The following SCAPER variants were observed in gnomAD, a reference collection of about 807,000 sequenced individuals.
The protein encoded by SCAPER is S phase cyclin A-associated protein in the endoplasmic reticulum.
A neutral mutation model predicts 182.2 loss-of-function variants in SCAPER; 98 were observed. The ratio of observed to expected loss-of-function variants is 0.54; its 90% CI spans 0.46 to 0.64. The LOEUF (loss-of-function observed/expected upper bound fraction) is 0.64, where lower values mean the gene tolerates loss of function less well. Ranked by LOEUF, SCAPER falls within the 30% of genes least tolerant of loss-of-function variation. SCAPER has a pLI of 0.00. For missense variants in SCAPER, 1,432 were observed against 1,690.0 expected (o/e 0.85, Z 2.68); for synonymous variants, 605 against 564.6 (o/e 1.07, Z -1.01).
At chr15:76,463,604 C>T (rs192842925) in intron 25 of SCAPER, among the ~76,000 whole-genome samples, 451 of 152,210 alleles carry the variant, frequency 3.0e-3, no homozygotes, top group Non-Finnish European at 4.2e-3. Flanking sequence ...TCATAAGGAA[C>T]AGGTCACTAT....
chr15:76,819,081 C>T (rs894394782), intron 5 of SCAPER, among the ~76,000 whole-genome samples: 1 of 152,210 alleles, frequency 6.6e-6, no homozygotes, highest in Non-Finnish European at 1.5e-5. Flanking sequence ...GTAAACAAAG[C>T]GGCCAGGAAG....
At chr15:76,652,273 AATATATATATATATAT>A (rs1172636102) in intron 21 of SCAPER, among the ~76,000 whole-genome samples, 4 of 12,870 alleles carry the variant, frequency 3.1e-4, no homozygotes, top group Non-Finnish European at 1.3e-4. Flanking sequence ...AAAAAAAAAA[AATATATATATATATAT>A]ATATATATAT....
At chr15:76,751,269 A>G (rs1332716293) in intron 15 of SCAPER, among the ~76,000 whole-genome samples, 1 of 151,828 alleles carries the variant, frequency 6.6e-6, no homozygotes, top group East Asian at 1.9e-4. Context: ...ATCATAAACC[A>G]GAACACTTAA....
intron 8 of SCAPER, among the ~76,000 whole-genome samples, chr15:76,785,541 G>C (rs776113433): frequency 1.4e-4 from 22 of 152,266 alleles, no homozygotes; most frequent in Non-Finnish European, 2.9e-4. Context: ...ATACCCAAAG[G>C]ATTAGAAATC....
intron 17 of SCAPER, among the ~76,000 whole-genome samples, chr15:76,715,266 G>T (rs544341582): frequency 1.3e-5 from 2 of 151,396 alleles, no homozygotes; most frequent in African/African-American, 4.9e-5. Context: ...TGCACCCCCA[G>T]CACCACAGCT....
chr15:76,476,122 T>C (rs1256167816), intron 24 of SCAPER, among the ~76,000 whole-genome samples: 1 of 152,242 alleles, frequency 6.6e-6, no homozygotes, highest in African/African-American at 2.4e-5. Flanking sequence ...TAGCAAGGTT[T>C]GGAAACATGA....
chr15:76,581,934 C>A (rs2048302425), intron 22 of SCAPER, among the ~76,000 whole-genome samples: 1 of 152,010 alleles, frequency 6.6e-6, no homozygotes, highest in Admixed American at 6.6e-5. Context: ...TAAAAACCCT[C>A]AAAAAACTGT....
At position 76,707,847 on chromosome 15, in the gene SCAPER, T is replaced by C. The variant is rs1466142818; in HGVS notation, c.2166-1863A>G. ...ACATTCACTAGTAATGTCCACATCA[T>C]AAATTATAGCTCAATAAATGTAAAA... is the stretch of plus-strand genomic sequence containing the variant. On this transcript the variant is annotated intron_variant, in intron 17 of 31. Coordinates refer to ENST00000563290, the MANE Select transcript of SCAPER (RefSeq NM_020843.4). Among the ~76,000 whole-genome samples the C allele has an allele frequency of 4.3e-4, 65 of 152,248 alleles. 1 individual carries two copies. Among genetic ancestry groups the C allele is most frequent in the Admixed American group, 4.2e-3 (64 of 15,288 alleles).
chr15:76,442,491 C>T (rs1467359458), intron 25 of SCAPER, among the ~76,000 whole-genome samples: 1 of 152,212 alleles, frequency 6.6e-6, no homozygotes, highest in Non-Finnish European at 1.5e-5. Context: ...GAGTCTCTCT[C>T]ATTCTATCTC....
chr15:76,389,228 T>C (rs1217610492), intron 27 of SCAPER, among the ~76,000 whole-genome samples: 8 of 151,782 alleles, frequency 5.3e-5, no homozygotes, highest in Non-Finnish European at 8.8e-5. Flanking sequence ...AGGCCAGGCA[T>C]AGTGGCTCAT....
chr15:76,841,678 C>G, intron 5 of SCAPER, 56 bp downstream of exon 5: 1 of 1,559,052 alleles, frequency 6.4e-7, no homozygotes, highest in Non-Finnish European at 8.7e-7. Context: ...TCACATGTAG[C>G]AAAAATTCAA....
intron 8 of SCAPER, among the ~76,000 whole-genome samples, chr15:76,777,726 G>A (rs879296014): frequency 6.6e-6 from 1 of 152,070 alleles, no homozygotes; most frequent in Non-Finnish European, 1.5e-5. Context: ...AATATTCAAA[G>A]AAGGTTTGAA....
chr15:76,640,635 G>GA (rs34416411), intron 21 of SCAPER, among the ~76,000 whole-genome samples: 1 of 152,090 alleles, frequency 6.6e-6, no homozygotes, highest in African/African-American at 2.4e-5. Context: ...TGTAAAATTG[G>GA]AAAAAATATT....
chr15:76,813,329 A>G (rs1159496278), intron 5 of SCAPER, among the ~76,000 whole-genome samples: 2 of 151,658 alleles, frequency 1.3e-5, no homozygotes, highest in African/African-American at 4.9e-5. Flanking sequence ...CGAACAGCTA[A>G]CATCATAATC....
At chr15:76,759,734 G>C (rs1172072563) in intron 14 of SCAPER, among the ~76,000 whole-genome samples, 1 of 151,984 alleles carries the variant, frequency 6.6e-6, no homozygotes, top group Non-Finnish European at 1.5e-5. Flanking sequence ...TGTGTTTTTT[G>C]TCTTTCATTG....
At chr15:76,740,981 G>A (rs2061509295) in intron 15 of SCAPER, among the ~76,000 whole-genome samples, 1 of 151,990 alleles carries the variant, frequency 6.6e-6, no homozygotes, top group Non-Finnish European at 1.5e-5. Context: ...AAATGAAATT[G>A]AATAAATACA....
chr15:76,778,603 C>T (rs775547396), intron 8 of SCAPER, among the ~76,000 whole-genome samples: 17 of 151,558 alleles, frequency 1.1e-4, no homozygotes, highest in Non-Finnish European at 2.2e-4. Flanking sequence ...GCTGGGACTC[C>T]ATAAACTCTT....
chr15:76,722,311 T>C (rs1439150499), intron 17 of SCAPER, among the ~76,000 whole-genome samples: 11 of 152,050 alleles, frequency 7.2e-5, no homozygotes, highest in East Asian at 1.9e-4. Flanking sequence ...TTTCGATGTG[T>C]TGCTGGATTC....
At chr15:76,898,213 C>T (rs895503598) in intron 1 of SCAPER, among the ~76,000 whole-genome samples, 5 of 152,234 alleles carry the variant, frequency 3.3e-5, no homozygotes, top group East Asian at 3.9e-4. Flanking sequence ...GACATAACTT[C>T]GTACCCACCA....
Sources: allele counts gnomAD v4.1 joint callset (sites outside exome capture counted in the v4.1 genomes callset), GRCh38; gene constraint gnomAD v4.1.1; transcripts MANE v1.5; gene names NCBI Gene and HGNC (gene_info 2026-07-23, HGNC 2026-07-21).